The following DCLK1 variants were observed in gnomAD, a reference collection of about 807,000 sequenced individuals.
The protein encoded by DCLK1 is doublecortin like kinase 1, also known as serine/threonine-protein kinase DCLK1.
Under a neutral mutation model 86.2 loss-of-function variants are expected in DCLK1, and 16 were observed. The observed-to-expected ratio is 0.19, with a 90% CI of 0.13 to 0.28. The LOEUF (loss-of-function observed/expected upper bound fraction) is 0.28. Among genes scored for constraint, DCLK1 ranks in the 10% least tolerant of loss-of-function variants. The pLI is 1.00. For missense variants in DCLK1, 590 were observed against 940.2 expected (o/e 0.63, Z 4.87); for synonymous variants, 369 against 370.5 (o/e 1.00, Z 0.05).
At position 35,836,047 on chromosome 13, in the gene DCLK1, C is replaced by T; in HGVS notation, c.1215G>A (p.Lys405=). ...ATCCTTCTCACCTTTCTACACATTC[C>T]TTGACAACAGCAAAATTTCCATCTC... ...TIGDGNFAVV[K]ECVERSTARE... is the part of the protein sequence containing the mutation. Residue 405 remains lysine (K), a synonymous_variant, in exon 8 of 17, where the codon AAG becomes AAA. Transcript: ENST00000360631. The T allele has an allele frequency of 6.2e-7, 1 of 1,612,424 alleles. No homozygotes were observed. Among genetic ancestry groups the T allele is most frequent in the Non-Finnish European group, 8.5e-7 (1 of 1,179,058 alleles).
chr13:36,107,228 C>G (rs184189324), intron 3 of DCLK1, among the ~76,000 whole-genome samples: 20 of 151,884 alleles, frequency 1.3e-4, no homozygotes, highest in Admixed American at 1.3e-3. Context: ...GGCTTACCAT[C>G]GAAATCAGTT....
chr13:36,124,569 G>A (rs1408724262), intron 2 of DCLK1, among the ~76,000 whole-genome samples: 1 of 152,212 alleles, frequency 6.6e-6, no homozygotes, highest in Non-Finnish European at 1.5e-5. Flanking sequence ...CAGGACAAGA[G>A]GGCTCTGTCA....
chr13:35,966,317 T>C (rs1878729572), intron 3 of DCLK1, among the ~76,000 whole-genome samples: 1 of 152,206 alleles, frequency 6.6e-6, no homozygotes, highest in South Asian at 2.1e-4. Context: ...AAGCAATATC[T>C]TGAATAGATA....
chr13:35,947,051 A>G (rs1234890083), intron 4 of DCLK1, among the ~76,000 whole-genome samples: 1 of 152,238 alleles, frequency 6.6e-6, no homozygotes, highest in African/African-American at 2.4e-5. Context: ...AACCGTGAAA[A>G]AAAAATTAAA....
At chr13:36,019,288 G>A (rs1881669833) in intron 3 of DCLK1, among the ~76,000 whole-genome samples, 2 of 152,160 alleles carry the variant, frequency 1.3e-5, no homozygotes, top group Admixed American at 6.5e-5. Flanking sequence ...CCAAGCCTAT[G>A]TAGAAAACAG....
chr13:36,047,190 G>A (rs530887154), intron 3 of DCLK1, among the ~76,000 whole-genome samples: 2 of 152,192 alleles, frequency 1.3e-5, no homozygotes, highest in African/African-American at 4.8e-5. Context: ...AAGATTTGGC[G>A]AGGATGTGGA....
intron 16 of DCLK1, among the ~76,000 whole-genome samples, chr13:35,787,701 C>T (rs2086648397): frequency 6.6e-6 from 1 of 152,106 alleles, no homozygotes; most frequent in Non-Finnish European, 1.5e-5. Flanking sequence ...CACAAGCTTA[C>T]CAACACACAC....
At chr13:36,086,611 C>A (rs141806814) in intron 3 of DCLK1, among the ~76,000 whole-genome samples, 9 of 152,176 alleles carry the variant, frequency 5.9e-5, no homozygotes, top group African/African-American at 1.9e-4. Flanking sequence ...TCCTAATGCT[C>A]TCCCTCCCCT....
chr13:35,968,760 T>C (rs1288253186), intron 3 of DCLK1, among the ~76,000 whole-genome samples: 1 of 151,884 alleles, frequency 6.6e-6, no homozygotes, highest in East Asian at 1.9e-4. Flanking sequence ...AGGCTTACTT[T>C]CTAAGAGAAA....
intron 6 of DCLK1, chr13:35,847,178 C>G: frequency 1.0e-6 from 1 of 967,124 alleles, no homozygotes; most frequent in Non-Finnish European, 1.2e-6. Flanking sequence ...ATAGTTAACA[C>G]AATATTGGAT....
intron 3 of DCLK1, among the ~76,000 whole-genome samples, chr13:35,985,159 T>C (rs1879840390): frequency 6.6e-6 from 1 of 152,148 alleles, no homozygotes; most frequent in African/African-American, 2.4e-5. Flanking sequence ...ATGGATGCAT[T>C]TAGACCTGCT....
intron 5 of DCLK1, among the ~76,000 whole-genome samples, chr13:35,861,431 C>T (rs13378928): frequency 0.2 from 30,333 of 151,932 alleles, 3,958 homozygotes; most frequent in African/African-American, 0.37. Flanking sequence ...ACCAACCAAT[C>T]GCTGCAGGAC....
intron 11 of DCLK1, among the ~76,000 whole-genome samples, chr13:35,812,339 G>A (rs550451889): frequency 6.6e-6 from 1 of 152,296 alleles, no homozygotes; most frequent in East Asian, 1.9e-4. Context: ...ATGCCTCAAG[G>A]AAGCAGCTAA....
chr13:35,949,825 G>GTTT (rs34920645), intron 3 of DCLK1, among the ~76,000 whole-genome samples: 2,080 of 130,348 alleles, frequency 0.016, 30 homozygotes, highest in Non-Finnish European at 0.023. Flanking sequence ...ATCTTGGGCA[G>GTTT]TTTTTTTTTT....
At chr13:36,096,780 A>G (rs1885035751) in intron 3 of DCLK1, among the ~76,000 whole-genome samples, 1 of 152,178 alleles carries the variant, frequency 6.6e-6, no homozygotes, top group Non-Finnish European at 1.5e-5. Flanking sequence ...AAATGTCACC[A>G]AATGGGGCCC....
chr13:35,967,256 G>A (rs1235265036), intron 3 of DCLK1, among the ~76,000 whole-genome samples: 10 of 147,542 alleles, frequency 6.8e-5, no homozygotes, highest in Admixed American at 3.3e-4. Flanking sequence ...GGTTGGGGGC[G>A]CCTCTGCCCG....
chr13:35,781,620 T>C (rs773680105), intron 16 of DCLK1, among the ~76,000 whole-genome samples: 7 of 152,232 alleles, frequency 4.6e-5, no homozygotes, highest in Non-Finnish European at 1.0e-4. Flanking sequence ...GAGGCAAACA[T>C]TGACTGCTTT....
chr13:36,089,482 T>A (rs558708176), intron 3 of DCLK1, among the ~76,000 whole-genome samples: 53 of 152,270 alleles, frequency 3.5e-4, no homozygotes, highest in African/African-American at 1.3e-3. Context: ...ACTATTCCAC[T>A]CTCTCATGAC....
chr13:35,958,269 A>ACCACCACCACCACCACCAG, intron 3 of DCLK1, among the ~76,000 whole-genome samples: 1 of 151,472 alleles, frequency 6.6e-6, no homozygotes, highest in Non-Finnish European at 1.5e-5. Flanking sequence ...TACTATAACC[A>ACCACCACCACCACCACCAG]TTACCACCAT....
Sources: gnomAD v4.1 joint callset for allele counts (sites outside exome capture counted in the v4.1 genomes callset) on GRCh38, gnomAD v4.1.1 for gene constraint, MANE v1.5 for transcripts, NCBI Gene and HGNC (gene_info 2026-07-23, HGNC 2026-07-21) for gene names.